Variants in SIMC1 observed in about 807,000 individuals in gnomAD.
SIMC1 encodes the protein SUMO-interacting motif-containing protein 1.
SIMC1 carries 55 observed loss-of-function variants against 82.3 expected under a neutral mutation model. The ratio of observed to expected loss-of-function variants is 0.67; its 90% CI spans 0.54 to 0.84. The LOEUF is 0.84. Among genes scored for constraint, SIMC1 ranks in the 40% least tolerant of loss-of-function variants. SIMC1 has a pLI of 0.00. For synonymous variants in SIMC1, 353 were observed against 426.3 expected (o/e 0.83, Z 2.12); for missense variants, 915 against 1,107.2 (o/e 0.83, Z 2.46).
chr5:176,291,788 C>A (rs192519139), intron 2 of SIMC1, among the ~76,000 whole-genome samples: 1 of 152,274 alleles, frequency 6.6e-6, no homozygotes, highest in African/African-American at 2.4e-5. Context: ...GGGCACTTTA[C>A]CTTTTTAAGC....
At position 176,336,706 on chromosome 5, in the gene SIMC1, T is replaced by G; in HGVS notation, c.2172-14T>G. 6.2e-7 allele frequency: 1 copy of G among 1,612,944 alleles called. No homozygotes were observed. On this transcript the variant is annotated splice_polypyrimidine_tract_variant and intron_variant, in intron 7 of 9. Coordinates refer to ENST00000429602, the MANE Select transcript of SIMC1 (RefSeq NM_001308195.2). ...GTTGTGATGATTAACTCCCTCTTCC[T>G]CTTCTCCACACAGAGAAATGTTCTT...
chr5:176,305,839 G>A (rs1326734808), intron 4 of SIMC1, among the ~76,000 whole-genome samples: 3 of 63,336 alleles, frequency 4.7e-5, no homozygotes, highest in South Asian at 5.7e-4. Flanking sequence ...CAGCCGCCCC[G>A]TCCGGGAGGG....
intron 1 of SIMC1, among the ~76,000 whole-genome samples, chr5:176,284,437 T>C (rs112674368): frequency 3.3e-5 from 5 of 152,002 alleles, no homozygotes; most frequent in African/African-American, 9.7e-5. Flanking sequence ...GGGTACATAA[T>C]GAAATGAAGG....
Position 176,294,838 on chromosome 5 carries a change from G to A in SIMC1, c.1432-192G>A, listed in dbSNP as rs560915384. 5.4e-4 allele frequency: 342 copies of A among 634,986 alleles called. 1 individual carries two copies. The highest frequency in any genetic ancestry group is 7.0e-4 in the Non-Finnish European group (281 of 400,984). The allele number at this position is 634,986 out of a possible 1,614,324, so 39.3% of individuals were successfully genotyped here. ...AAATTAGCCGGGCGTGGTGGTGGGC[G>A]CCTGTAGTCCCAGCTACTCTGGAGG... On this transcript the variant is annotated intron_variant, in intron 2 of 9. Coordinates refer to ENST00000429602, the MANE Select transcript of SIMC1 (RefSeq NM_001308195.2).
rs183375584 is a variant in SIMC1, at chr5:176,291,438, G to A, written c.1431+483G>A. 3.8e-3 allele frequency among the ~76,000 whole-genome samples: 561 copies of A among 149,236 alleles called. 3 individuals are homozygous for A. Among genetic ancestry groups the A allele is most frequent in the African/African-American group, 0.013 (532 of 40,438 alleles). On this transcript the variant is annotated intron_variant, in intron 2 of 9. Coordinates refer to ENST00000429602, the MANE Select transcript of SIMC1 (RefSeq NM_001308195.2). ...TGCAAGCTCCGCCTCCCGGGTTCAC[G>A]TCATTCGCTTGCCTCAGCCTCCCGA...
In SIMC1 at chr5:176,240,991, TC is replaced by T. The variant is rs1761257595; in HGVS notation, c.129+2355del. ...TGAAATAAAAGAAGCAACTTTTACATCTTTTTTTTTTTTTTTTAATAGATAT... is the reference window on the plus strand; with the variant it reads ...TGAAATAAAAGAAGCAACTTTTACATTTTTTTTTTTTTTTTTAATAGATAT... On this transcript the variant is annotated intron_variant, in intron 1 of 9. Transcript: ENST00000429602. Among the ~76,000 whole-genome samples the T allele has an allele frequency of 2.5e-5, 2 of 79,850 alleles. 1 individual carries two copies. The highest frequency in any genetic ancestry group is 1.1e-4 in the African/African-American group (2 of 18,112). The allele number at this position is 79,850 out of a possible 152,430, so 52.4% of individuals were successfully genotyped here. A position where few individuals can be genotyped will look rare whatever the true frequency, so the allele number is the denominator to read the frequency against.
chr5:176,334,279 A>G (rs1765793538), intron 7 of SIMC1, among the ~76,000 whole-genome samples: 1 of 152,114 alleles, frequency 6.6e-6, no homozygotes, highest in Non-Finnish European at 1.5e-5. Flanking sequence ...TTTAAAGAGT[A>G]TTGACTTTTA....
chr5:176,264,990 G>GA, intron 1 of SIMC1, among the ~76,000 whole-genome samples: 1 of 152,112 alleles, frequency 6.6e-6, no homozygotes, highest in Non-Finnish European at 1.5e-5. Flanking sequence ...GCAAGATAGG[G>GA]AGATACCATT....
At chr5:176,330,689 G>A (rs1029871329) in intron 7 of SIMC1, among the ~76,000 whole-genome samples, 18 of 152,180 alleles carry the variant, frequency 1.2e-4, no homozygotes, top group African/African-American at 4.3e-4. Flanking sequence ...AAAGAGACGG[G>A]ACCCCCTTTC....
chr5:176,323,227 A>G (rs1325223148), intron 6 of SIMC1, among the ~76,000 whole-genome samples: 4 of 152,324 alleles, frequency 2.6e-5, no homozygotes, highest in African/African-American at 4.8e-5. Flanking sequence ...TTTTGGAACA[A>G]TGAAGCATTT....
intron 1 of SIMC1, among the ~76,000 whole-genome samples, chr5:176,275,386 C>A (rs143530164): frequency 6.6e-6 from 1 of 151,680 alleles, no homozygotes; most frequent in Non-Finnish European, 1.5e-5. Flanking sequence ...AGACAATGGG[C>A]TTTTCTAAAT....
rs772337879 is a variant in SIMC1, at chr5:176,313,857, C to A, written c.1889+12C>A. 1.2e-6 allele frequency: 2 copies of A among 1,612,998 alleles called. No individual in the cohort carries two copies. The highest frequency in any genetic ancestry group is 3.3e-5 in the Admixed American group (2 of 60,018). Reference sequence around the variant, plus strand: ...CCCCACAATGTCAGGTAAGCAGCCACCTGAGCCCTCGGATGAGAAGAGGTA... The same window carrying A: ...CCCCACAATGTCAGGTAAGCAGCCAACTGAGCCCTCGGATGAGAAGAGGTA... On this transcript the variant is annotated intron_variant, in intron 5 of 9. Transcript: ENST00000429602.
chr5:176,328,035 T>C (rs1765468006), intron 7 of SIMC1, among the ~76,000 whole-genome samples: 1 of 152,188 alleles, frequency 6.6e-6, no homozygotes, highest in South Asian at 2.1e-4. Flanking sequence ...GATATTGACC[T>C]GTAGTTTTAT....
chr5:176,308,926 G>A, intron 4 of SIMC1: 1 of 1,244,328 alleles, frequency 8.0e-7, no homozygotes. Flanking sequence ...AGTGGTTGGA[G>A]GACAGACTGG....
chr5:176,258,708 CATAGA>C (rs2113140019), intron 1 of SIMC1, among the ~76,000 whole-genome samples: 1 of 147,924 alleles, frequency 6.8e-6, no homozygotes, highest in South Asian at 2.2e-4. Flanking sequence ...ATGGAGCTGC[CATAGA>C]ATAGAAAGGA....
At position 176,238,570 on chromosome 5, in the gene SIMC1, C is replaced by T. The variant is rs1484380562; in HGVS notation, c.62C>T (p.Pro21Leu). The T allele has an allele frequency of 9.2e-6, 12 of 1,306,014 alleles. No individual in the cohort carries two copies. Among genetic ancestry groups the T allele is most frequent in the Non-Finnish European group, 1.2e-5 (12 of 1,021,042 alleles). 80.9% of individuals were successfully genotyped at this position (1,306,014 alleles called of 1,614,324 possible). ...SGSESSGGAR[P>L]GRSRRPRRAL... ...TCTGAGAGCTCCGGGGGCGCCCGCCCGGGCCGGTCGCGGAGGCCGCGCCGG... is the reference window on the plus strand; with the variant it reads ...TCTGAGAGCTCCGGGGGCGCCCGCCTGGGCCGGTCGCGGAGGCCGCGCCGG... The change falls in exon 1 of 10, where the codon CCG (proline) becomes CTG (leucine). Residue 21 changes from proline (P) to leucine (L), a missense_variant. Physicochemically the swap from Pro to Leu is moderately conservative, Grantham distance 98. Around this residue, in one of 2 missense-constraint regions of SIMC1, gnomAD observed 13 missense variants for 66.9 expected, o/e 0.19. Transcript: ENST00000429602.
intron 4 of SIMC1, chr5:176,307,941 G>A (rs1490507437): frequency 1.8e-6 from 1 of 562,606 alleles, no homozygotes; most frequent in African/African-American, 1.9e-5. Flanking sequence ...ACATTCAAAT[G>A]TTCAAAGCAG....
chr5:176,334,758 G>A (rs1190178451), intron 7 of SIMC1, among the ~76,000 whole-genome samples: 6 of 152,106 alleles, frequency 3.9e-5, no homozygotes, highest in Non-Finnish European at 2.9e-5. Context: ...CAAGAAATCT[G>A]GAGTACATGA....
At chr5:176,296,385 C>T in intron 4 of SIMC1, 65 bp downstream of exon 4, 1 of 1,612,090 alleles carries the variant, frequency 6.2e-7, no homozygotes, top group Non-Finnish European at 8.5e-7. Flanking sequence ...AAAGTGATAT[C>T]AGGTGCCATG....
Sources: gnomAD v4.1 joint callset for allele counts (sites outside exome capture counted in the v4.1 genomes callset) on GRCh38, gnomAD v4.1.1 for gene constraint, gnomAD v4.1.1 regional missense constraint, MANE v1.5 for transcripts, NCBI Gene and HGNC (gene_info 2026-07-23, HGNC 2026-07-21) for gene names.